LCT: variants seen among roughly 807,000 people sequenced by gnomAD.
LCT encodes the protein lactase/phlorizin hydrolase.
LCT carries 90 observed loss-of-function variants against 173.0 expected under a neutral mutation model. The observed-to-expected ratio is 0.52, with a 90% CI of 0.44 to 0.62. The LOEUF (loss-of-function observed/expected upper bound fraction) is 0.62, where lower values mean the gene tolerates loss of function less well. Among genes scored for constraint, LCT ranks in the 20% least tolerant of loss-of-function variants. The probability of loss-of-function intolerance (pLI) is 0.00; values close to 1 mark genes in which losing one functional copy is unlikely to be tolerated. For missense variants in LCT, 1,864 were observed against 2,431.4 expected (o/e 0.77, Z 4.91); for synonymous variants, 853 against 957.6 (o/e 0.89, Z 2.02).
At position 135,790,339 on chromosome 2, in the gene LCT, C is replaced by T. The variant is rs1207516757; in HGVS notation, c.5335+319G>A. ...ACCCTACAGGCAACCACACAGCCTACTCCTCCTGGGCCCTACCCAGACCAT... is the reference window on the plus strand; with the variant it reads ...ACCCTACAGGCAACCACACAGCCTATTCCTCCTGGGCCCTACCCAGACCAT... On this transcript the variant is annotated intron_variant, in intron 15 of 16. Transcript: ENST00000264162. The surrounding 1 kb of genome is among the most constrained non-coding windows in gnomAD (Gnocchi z 4.1). 6.6e-6 allele frequency among the ~76,000 whole-genome samples: 1 copy of T among 152,192 alleles called. No homozygotes were observed. Among genetic ancestry groups the T allele is most frequent in the South Asian group, 2.1e-4 (1 of 4,834 alleles).
At position 135,809,719 on chromosome 2, in the gene LCT, C is replaced by T. The variant is rs2077717457; in HGVS notation, c.2628G>A (p.Val876=). ...KVRAFTFPSE[V]PSKAKVVWEK... The stretch of plus-strand genomic sequence containing the variant: ...CCCAAACGACTTTAGCCTTGGAGGG[C>T]ACCTCAGATGGAAAAGTGAAGGCTC... The change falls in exon 8 of 17, where the codon GTG becomes GTA. Residue 876 remains valine, a synonymous_variant. Transcript: ENST00000264162. The surrounding 1 kb of genome is among the most constrained non-coding windows in gnomAD (Gnocchi z 5.5). 4 of 1,614,244 alleles carry T rather than the reference C, an allele frequency of 2.5e-6. No homozygotes were observed. The highest frequency in any genetic ancestry group is 3.4e-6 in the Non-Finnish European group (4 of 1,180,038).
chr2:135,803,887 A>T, intron 11 of LCT, 43 bp downstream of exon 11: 1 of 1,555,064 alleles, frequency 6.4e-7, no homozygotes, highest in Non-Finnish European at 8.8e-7. Flanking sequence ...TGTGCTAAGA[A>T]TGCCATGATT....
Position 135,809,777 on chromosome 2 carries a change from G to C in LCT, c.2570C>G (p.Pro857Arg). 1 of 1,614,108 alleles carries C rather than the reference G, an allele frequency of 6.2e-7. No individual in the cohort carries two copies. The highest frequency in any genetic ancestry group is 8.5e-7 in the Non-Finnish European group (1 of 1,179,978). The change falls in exon 8 of 17, where the codon CCA becomes CGA. Residue 857 changes from proline (P) to arginine (R), a missense_variant. Pro to Arg is a moderately radical substitution (Grantham distance 103, BLOSUM62 -2). This residue lies in a region of LCT where 755 missense variants were observed against 926.3 expected (regional missense o/e 0.82). Coordinates refer to ENST00000264162, the MANE Select transcript of LCT (RefSeq NM_002299.4). This position sits in a 1 kb window ranked among gnomAD's most constrained non-coding sequence, Gnocchi z 5.5. ...FLTKGAKRLL[P>R]PNTVNLPSKV... ...GGAGGGGAGGTTTACTGTATTAGGTGGTAGCAGTCTTTTTGCCCCCTTGGT... is the reference window on the plus strand; with the variant it reads ...GGAGGGGAGGTTTACTGTATTAGGTCGTAGCAGTCTTTTTGCCCCCTTGGT...
chr2:135,824,754 G>A (rs2077869877), intron 3 of LCT, among the ~76,000 whole-genome samples: 7 of 152,118 alleles, frequency 4.6e-5, no homozygotes, highest in Admixed American at 4.6e-4. Flanking sequence ...TATAATCCCA[G>A]CACTTTGGGA....
chr2:135,824,274 T>A (rs1459872679), intron 3 of LCT, among the ~76,000 whole-genome samples: 5 of 152,028 alleles, frequency 3.3e-5, no homozygotes, highest in Non-Finnish European at 5.9e-5. Flanking sequence ...CCAGGCACGG[T>A]GTTAGGATCA....
rs1383484734 is a variant in LCT at position 135,823,994 on chromosome 2, G to C, written c.814C>G (p.Pro272Ala). ...TTGAAGATGAAAACTTTCACTTTTG[G>C]CTCAATGGTCTGAAAAAGAGAAGGA... The part of the protein sequence containing the change: ...QKLSKLQTIE[P>A]KVKVFIFNLK... The change falls in exon 4 of 17, where the codon CCA (proline) becomes GCA (alanine). Residue 272 changes from proline (P) to alanine (A), a missense_variant. Transcript: ENST00000264162. The C allele has an allele frequency of 6.2e-7, 1 of 1,611,912 alleles. No individual in the cohort carries two copies. Among genetic ancestry groups the C allele is most frequent in the African/African-American group, 1.3e-5 (1 of 74,862 alleles).
intron 4 of LCT, among the ~76,000 whole-genome samples, chr2:135,823,574 A>C (rs2105548975): frequency 6.6e-6 from 1 of 152,304 alleles, no homozygotes; most frequent in South Asian, 2.1e-4. Context: ...AGAGGAGCAG[A>C]GATGAGAGAC....
intron 14 of LCT, among the ~76,000 whole-genome samples, chr2:135,791,445 A>G (rs2077532495): frequency 6.6e-6 from 1 of 152,240 alleles, no homozygotes. Context: ...GGAGGTGGAC[A>G]GCTCCTGCCA....
chr2:135,810,884 G>A (rs1006913510), intron 7 of LCT, among the ~76,000 whole-genome samples: 2 of 151,936 alleles, frequency 1.3e-5, no homozygotes, highest in East Asian at 1.9e-4. Context: ...AAAATTAGCC[G>A]GGCGTGGTGA....
chr2:135,827,210 C>T (rs895077371), intron 3 of LCT, among the ~76,000 whole-genome samples: 1 of 152,132 alleles, frequency 6.6e-6, no homozygotes, highest in African/African-American at 2.4e-5. Flanking sequence ...AACTCCTGGC[C>T]TCAAGTGATC....
chr2:135,798,964 C>A (rs2077604459), intron 12 of LCT, among the ~76,000 whole-genome samples: 1 of 151,952 alleles, frequency 6.6e-6, no homozygotes, highest in Non-Finnish European at 1.5e-5. Flanking sequence ...GCTGCAGTAT[C>A]ACAGTTCACC....
rs1199632644 is a variant in LCT, at chr2:135,790,016, T to C, written c.5336-218A>G. ...GGAGATGTAGAGCCACCAGCATCTTTAGAAAGGCTCAGCCCTGAATGGGAG... is the reference window on the plus strand; with the variant it reads ...GGAGATGTAGAGCCACCAGCATCTTCAGAAAGGCTCAGCCCTGAATGGGAG... On this transcript the variant is annotated intron_variant, in intron 15 of 16. Coordinates refer to ENST00000264162, the MANE Select transcript of LCT (RefSeq NM_002299.4). The surrounding 1 kb of genome is among the most constrained non-coding windows in gnomAD (Gnocchi z 4.1). 6.6e-6 allele frequency among the ~76,000 whole-genome samples: 1 copy of C among 152,224 alleles called. No individual in the cohort carries two copies. Among genetic ancestry groups the C allele is most frequent in the African/African-American group, 2.4e-5 (1 of 41,448 alleles).
At chr2:135,804,172 A>T in intron 10 of LCT, 44 bp from the exon 11 acceptor site, 3 of 1,506,116 alleles carry the variant, frequency 2.0e-6, no homozygotes, top group Non-Finnish European at 2.8e-6. Flanking sequence ...CATGCTTTCC[A>T]TGGGAAGCCC....
At chr2:135,792,120 G>A (rs900463867) in intron 14 of LCT, among the ~76,000 whole-genome samples, 6 of 152,184 alleles carry the variant, frequency 3.9e-5, no homozygotes, top group Admixed American at 3.3e-4. Context: ...TCCTCTCTGG[G>A]GACCTGAACA....
Position 135,800,623 on chromosome 2 carries a change from G to T in LCT, c.4850C>A (p.Ala1617Asp). Residue 1617 changes from alanine to aspartate, a missense_variant, in exon 12 of 17, where the codon GCC (alanine) becomes GAC (aspartate). Transcript: ENST00000264162. ...DPSNQEDVEA[A>D]RRYVQFMGGW... ...AAAACAGACCTGAACATATCTCCTG[G>T]CTGCCTCCACATCCTCCTGGTTAGA... The T allele has an allele frequency of 6.2e-7, 1 of 1,612,190 alleles. No homozygotes were observed. The highest frequency in any genetic ancestry group is 8.5e-7 in the Non-Finnish European group (1 of 1,179,782).
Position 135,817,767 on chromosome 2 carries a change from C to T in LCT, c.1281G>A (p.Glu427=), listed in dbSNP as rs755623528. 6 of 1,613,784 alleles carry T rather than the reference C, an allele frequency of 3.7e-6. No individual in the cohort carries two copies. The Admixed American group carries it at 5.0e-5, about 13-fold the overall frequency. ...LNTTEGQATL[E]VASDSYHKVA... ...CCTTGTGGTAACTGTCGCTGGCCAC[C>T]TCCAGCGTCGCTTGGCCCTCAGTGG... Residue 427 remains glutamate (E), a synonymous_variant, in exon 6 of 17, where the codon GAG becomes GAA. Coordinates refer to ENST00000264162, the MANE Select transcript of LCT (RefSeq NM_002299.4).
At chr2:135,821,064 G>A (rs1575345047) in intron 5 of LCT, among the ~76,000 whole-genome samples, 1 of 152,126 alleles carries the variant, frequency 6.6e-6, no homozygotes, top group South Asian at 2.1e-4. Flanking sequence ...TGTATTTTTA[G>A]TAGAGACGGG....
intron 2 of LCT, among the ~76,000 whole-genome samples, chr2:135,832,671 G>A (rs2077949843): frequency 6.6e-6 from 1 of 151,820 alleles, no homozygotes; most frequent in Non-Finnish European, 1.5e-5. Flanking sequence ...TTTTAGCAAA[G>A]AAGGAGTTTT....
rs4954449 is a variant in LCT, at chr2:135,817,964, T to G, written c.1084A>C (p.Ile362Leu). ...GACTGATTGGCAAATGCTTCCCAGA[T>G]TCTCTGATAGGCAGAGGCAGGAGAG... is the stretch of plus-strand genomic sequence containing the variant. Reference protein sequence around the residue: ...DSSPASAYQRIWEAFANQSRA... With the variant: ...DSSPASAYQRLWEAFANQSRA... The change falls in exon 6 of 17, where the codon ATC becomes CTC. Residue 362 changes from isoleucine to leucine, a missense_variant. Around this residue, in one of 4 missense-constraint regions of LCT, gnomAD observed 412 missense variants for 462.0 expected, o/e 0.89. Coordinates refer to ENST00000264162, the MANE Select transcript of LCT (RefSeq NM_002299.4). 1 of 1,613,908 alleles carries G rather than the reference T, an allele frequency of 6.2e-7. No individual in the cohort carries two copies. The highest frequency in any genetic ancestry group is 8.5e-7 in the Non-Finnish European group (1 of 1,180,046).
Sources: allele counts gnomAD v4.1 joint callset (sites outside exome capture counted in the v4.1 genomes callset), GRCh38; gene constraint gnomAD v4.1.1; regional missense constraint gnomAD v4.1.1; non-coding constraint Gnocchi (gnomAD v3.1); transcripts MANE v1.5; gene names NCBI Gene and HGNC (gene_info 2026-07-23, HGNC 2026-07-21).